The following NOL4 variants were observed in gnomAD, a reference collection of about 807,000 sequenced individuals.
NOL4 encodes cancer/testis antigen 125.
In NOL4, 17 loss-of-function variants were observed where a neutral mutation model predicts 75.9. The ratio of observed to expected loss-of-function variants is 0.22; its 90% CI spans 0.15 to 0.34. The LOEUF is 0.34. NOL4 is among the 10% of genes least tolerant of loss of function. NOL4 has a pLI of 1.00. For synonymous variants in NOL4, 292 were observed against 289.9 expected, an observed-to-expected ratio of 1.01 and a Z score of -0.07; for missense variants, 614 against 793.5, an observed-to-expected ratio of 0.77 and a Z score of 2.72.
chr18:33,971,177 T>C (rs2071026614), intron 6 of NOL4, among the ~76,000 whole-genome samples: 1 of 152,360 alleles, frequency 6.6e-6, no homozygotes, highest in East Asian at 1.9e-4. Flanking sequence ...ATTTCCCTTA[T>C]ACTTTCATAC....
chr18:34,075,452 T>C (rs1245021055), intron 5 of NOL4, among the ~76,000 whole-genome samples: 1 of 152,146 alleles, frequency 6.6e-6, no homozygotes, highest in Admixed American at 6.6e-5. Context: ...GAAATTGTGT[T>C]GGGTGCATGC....
intron 6 of NOL4, chr18:34,001,744 A>C (rs989407312): frequency 6.5e-6 from 1 of 152,680 alleles, no homozygotes; most frequent in African/African-American, 2.4e-5. Context: ...GGAATAAAGA[A>C]ATCTGTAACT....
chr18:34,058,206 T>C (rs879247996), intron 5 of NOL4, among the ~76,000 whole-genome samples: 5 of 152,138 alleles, frequency 3.3e-5, no homozygotes, highest in Non-Finnish European at 5.9e-5. Flanking sequence ...CGATCTCGGC[T>C]CACTGCAAGC....
At chr18:33,863,817 C>G (rs2063299246) in intron 10 of NOL4, among the ~76,000 whole-genome samples, 1 of 152,180 alleles carries the variant, frequency 6.6e-6, no homozygotes, top group Admixed American at 6.5e-5. Flanking sequence ...CCCTTCCACA[C>G]AGCCCTAATG....
chr18:34,203,711 T>TCA (rs1271040642), intron 1 of NOL4, among the ~76,000 whole-genome samples: 216 of 82,162 alleles, frequency 2.6e-3, no homozygotes, highest in African/African-American at 8.0e-3. Flanking sequence ...TCTCTCTCTC[T>TCA]CTCTCTCACA....
At chr18:34,211,111 AGAAGGAAGGAAG>A (rs34370429) in intron 1 of NOL4, among the ~76,000 whole-genome samples, 57 of 149,330 alleles carry the variant, frequency 3.8e-4, no homozygotes, top group African/African-American at 1.1e-3. Flanking sequence ...AAGGAAGGAA[AGAAGGAAGGAAG>A]GAAGGAAGGA....
chr18:34,125,244 T>C (rs1399026692), intron 2 of NOL4, among the ~76,000 whole-genome samples: 1 of 152,160 alleles, frequency 6.6e-6, no homozygotes, highest in Non-Finnish European at 1.5e-5. Flanking sequence ...CTTCCTGGCA[T>C]GAATCAAAAA....
At chr18:34,201,502 C>T (rs2035741498) in intron 1 of NOL4, among the ~76,000 whole-genome samples, 1 of 151,852 alleles carries the variant, frequency 6.6e-6, no homozygotes. Flanking sequence ...AAGTAACACA[C>T]TCACTGTAAG....
intron 6 of NOL4, among the ~76,000 whole-genome samples, chr18:33,991,634 A>G (rs9789230): frequency 0.16 from 24,087 of 151,964 alleles, 2,339 homozygotes; most frequent in East Asian, 0.39. Flanking sequence ...CAGAATTACC[A>G]TTAGCTAATT....
At chr18:33,945,014 G>A (rs2068741628) in intron 8 of NOL4, among the ~76,000 whole-genome samples, 1 of 151,734 alleles carries the variant, frequency 6.6e-6, no homozygotes, top group Non-Finnish European at 1.5e-5. Context: ...GATGTTATAG[G>A]AAAAATGGGA....
At chr18:33,981,923 G>A (rs907669638) in intron 6 of NOL4, among the ~76,000 whole-genome samples, 2 of 152,020 alleles carry the variant, frequency 1.3e-5, no homozygotes, top group African/African-American at 4.8e-5. Flanking sequence ...AGAATTAGGA[G>A]TATTTCGTTA....
At chr18:34,197,463 A>G (rs2035414521) in intron 1 of NOL4, among the ~76,000 whole-genome samples, 1 of 152,056 alleles carries the variant, frequency 6.6e-6, no homozygotes, top group African/African-American at 2.4e-5. Flanking sequence ...TTTATACTCA[A>G]CATTTATTAT....
At chr18:34,217,123 A>C (rs1327253875) in intron 1 of NOL4, among the ~76,000 whole-genome samples, 1 of 151,734 alleles carries the variant, frequency 6.6e-6, no homozygotes, top group East Asian at 1.9e-4. Context: ...CTTTTTCTTT[A>C]TTTCTTTCCT....
chr18:34,213,510 G>C (rs2036661359), intron 1 of NOL4, among the ~76,000 whole-genome samples: 1 of 152,094 alleles, frequency 6.6e-6, no homozygotes, highest in Non-Finnish European at 1.5e-5. Flanking sequence ...GGATGATCTC[G>C]ATCTCTTGAC....
At chr18:33,905,625 G>A (rs1441639488) in intron 9 of NOL4, among the ~76,000 whole-genome samples, 3 of 152,044 alleles carry the variant, frequency 2.0e-5, no homozygotes, top group African/African-American at 7.2e-5. Flanking sequence ...TGCTGAATTT[G>A]CCATCCTACA....
chr18:34,067,015 T>C (rs2077307596), intron 5 of NOL4, among the ~76,000 whole-genome samples: 1 of 151,994 alleles, frequency 6.6e-6, no homozygotes, highest in South Asian at 2.1e-4. Flanking sequence ...AAATAGAAAA[T>C]ATATTTTTTC....
chr18:33,935,270 A>T (rs1040091513), intron 9 of NOL4, among the ~76,000 whole-genome samples: 3 of 152,124 alleles, frequency 2.0e-5, no homozygotes, highest in African/African-American at 4.8e-5. Context: ...GCTTTTCAAC[A>T]TGTGTTCCTC....
intron 6 of NOL4, among the ~76,000 whole-genome samples, chr18:33,961,506 T>A (rs988299573): frequency 1.3e-5 from 2 of 152,114 alleles, no homozygotes; most frequent in Non-Finnish European, 2.9e-5. Context: ...CTTTCCTGGA[T>A]ATTCAGCTTG....
intron 1 of NOL4, among the ~76,000 whole-genome samples, chr18:34,136,483 A>C (rs1179605671): frequency 6.6e-6 from 1 of 152,178 alleles, no homozygotes; most frequent in Non-Finnish European, 1.5e-5. Flanking sequence ...AACTGTTAGA[A>C]CTAATAAATG....
Sources: allele counts gnomAD v4.1 joint callset (sites outside exome capture counted in the v4.1 genomes callset), GRCh38; gene constraint gnomAD v4.1.1; transcripts MANE v1.5; gene names NCBI Gene and HGNC (gene_info 2026-07-23, HGNC 2026-07-21).